Variants in EPHA6 observed in about 807,000 individuals in gnomAD.
The protein encoded by EPHA6 is EPH receptor A6, also known as ephrin type-A receptor 6.
Under a neutral mutation model 112.0 loss-of-function variants are expected in EPHA6, and 50 were observed. That is an observed-to-expected ratio of 0.45 (90% CI 0.36 to 0.56). The LOEUF (loss-of-function observed/expected upper bound fraction) is 0.56, where lower values mean the gene tolerates loss of function less well. Ranked by LOEUF, EPHA6 falls within the 20% of genes least tolerant of loss-of-function variation. The pLI is 0.00. For synonymous variants in EPHA6, 529 were observed against 490.7 expected (o/e 1.08, Z -1.03); for missense variants, 1,280 against 1,417.4 (o/e 0.90, Z 1.56).
At chr3:97,419,310 C>CAA (rs1204468806) in intron 6 of EPHA6, among the ~76,000 whole-genome samples, 2 of 140,916 alleles carry the variant, frequency 1.4e-5, no homozygotes, top group African/African-American at 5.8e-5. Flanking sequence ...TCACAAAAAA[C>CAA]AAACAAACAA....
chr3:97,710,684 C>T, intron 14 of EPHA6, among the ~76,000 whole-genome samples: 1 of 152,096 alleles, frequency 6.6e-6, no homozygotes, highest in Non-Finnish European at 1.5e-5. Flanking sequence ...TGTAACTTGC[C>T]TAAGATCACA....
At chr3:97,418,386 AAC>A (rs1326971678) in intron 6 of EPHA6, among the ~76,000 whole-genome samples, 1 of 152,074 alleles carries the variant, frequency 6.6e-6, no homozygotes, top group African/African-American at 2.4e-5. Context: ...TAGGAAAAAT[AAC>A]ACATATCTAG....
intron 3 of EPHA6, among the ~76,000 whole-genome samples, chr3:97,171,117 A>G (rs1003184879): frequency 1.3e-5 from 2 of 152,204 alleles, no homozygotes; most frequent in African/African-American, 4.8e-5. Flanking sequence ...CAATTAGAAC[A>G]AAGATGGTTA....
At position 97,141,239 on chromosome 3, in the gene EPHA6, T is replaced by A. The variant is rs148529167; in HGVS notation, c.1115-85025T>A. On this transcript the variant is annotated intron_variant, in intron 3 of 17. Transcript: ENST00000389672. ...TAGCCATACAATCATAGTGGGGGAT[T>A]TTAACACCCCACTGACAGCACTGGA... 1.4e-4 allele frequency among the ~76,000 whole-genome samples: 22 copies of A among 152,160 alleles called. No individual in the cohort carries two copies. The East Asian group carries it at 4.1e-3, about 28-fold the overall frequency.
intron 11 of EPHA6, among the ~76,000 whole-genome samples, chr3:97,561,541 A>C (rs982846995): frequency 6.6e-6 from 1 of 152,054 alleles, no homozygotes; most frequent in African/African-American, 2.4e-5. Context: ...AACTGCAGTC[A>C]AAAATTTTAA....
intron 10 of EPHA6, among the ~76,000 whole-genome samples, chr3:97,496,950 AT>A (rs2107541275): frequency 6.6e-6 from 1 of 152,196 alleles, no homozygotes; most frequent in Non-Finnish European, 1.5e-5. Context: ...TGGCATGTCA[AT>A]TTATCATCAT....
chr3:97,614,334 C>CTT (rs11288058), intron 13 of EPHA6, among the ~76,000 whole-genome samples: 5 of 124,732 alleles, frequency 4.0e-5, no homozygotes, highest in Admixed American at 8.3e-5. Flanking sequence ...GGTATACTTA[C>CTT]TTTTTTTTTT....
chr3:97,029,896 TG>T (rs1216339074), intron 3 of EPHA6, among the ~76,000 whole-genome samples: 1 of 152,122 alleles, frequency 6.6e-6, no homozygotes, highest in Non-Finnish European at 1.5e-5. Flanking sequence ...ATGAAGATGG[TG>T]GCAGTATCAG....
chr3:97,111,916 C>A (rs2047735647), intron 3 of EPHA6, among the ~76,000 whole-genome samples: 1 of 151,936 alleles, frequency 6.6e-6, no homozygotes, highest in Non-Finnish European at 1.5e-5. Flanking sequence ...TTTTAATGTG[C>A]AATATTTTTA....
intron 14 of EPHA6, among the ~76,000 whole-genome samples, chr3:97,650,151 T>C (rs545845746): frequency 6.6e-6 from 1 of 151,556 alleles, no homozygotes; most frequent in Non-Finnish European, 1.5e-5. Flanking sequence ...CGGGAGAGAA[T>C]ATGTGCTAAA....
chr3:96,936,394 A>T (rs1329811379), intron 2 of EPHA6, among the ~76,000 whole-genome samples: 1 of 151,052 alleles, frequency 6.6e-6, no homozygotes, highest in African/African-American at 2.4e-5. Flanking sequence ...ACATAAACCT[A>T]AAAAAAAATC....
chr3:97,342,807 G>A (rs1004214758), intron 5 of EPHA6, among the ~76,000 whole-genome samples: 8 of 152,208 alleles, frequency 5.3e-5, no homozygotes, highest in Non-Finnish European at 8.8e-5. Flanking sequence ...CCCAGTCTCC[G>A]TATCTATGAG....
At chr3:97,198,830 T>A (rs2108493461) in intron 3 of EPHA6, among the ~76,000 whole-genome samples, 1 of 152,244 alleles carries the variant, frequency 6.6e-6, no homozygotes, top group African/African-American at 2.4e-5. Context: ...TAAATAAAAA[T>A]TGAGAAAACA....
chr3:97,200,342 T>A (rs1281621161), intron 3 of EPHA6, among the ~76,000 whole-genome samples: 1 of 152,084 alleles, frequency 6.6e-6, no homozygotes, highest in Non-Finnish European at 1.5e-5. Flanking sequence ...GCAAAATCCA[T>A]GAGGTCCTTC....
intron 2 of EPHA6, among the ~76,000 whole-genome samples, chr3:96,872,065 C>T (rs1243349722): frequency 6.6e-6 from 1 of 152,104 alleles, no homozygotes; most frequent in Non-Finnish European, 1.5e-5. Flanking sequence ...TCTTACATTT[C>T]TTCATTTGGT....
chr3:97,552,059 T>C (rs1211318443), intron 11 of EPHA6, among the ~76,000 whole-genome samples: 1 of 152,184 alleles, frequency 6.6e-6, no homozygotes, highest in African/African-American at 2.4e-5. Flanking sequence ...TTTCCTCATG[T>C]TAACTGTAAT....
At chr3:97,329,992 G>A (rs1473256862) in intron 5 of EPHA6, among the ~76,000 whole-genome samples, 2 of 152,102 alleles carry the variant, frequency 1.3e-5, no homozygotes, top group Non-Finnish European at 2.9e-5. Context: ...ATTAATTTTT[G>A]TATAAGGCGT....
chr3:97,143,041 T>C (rs1020903635), intron 3 of EPHA6, among the ~76,000 whole-genome samples: 3 of 151,698 alleles, frequency 2.0e-5, no homozygotes, highest in African/African-American at 7.2e-5. Flanking sequence ...AAGTCCAACT[T>C]TCTATGCTCA....
chr3:97,349,855 G>A (rs72926345), intron 5 of EPHA6, among the ~76,000 whole-genome samples: 4,253 of 151,976 alleles, frequency 0.028, 205 homozygotes, highest in African/African-American at 0.091. Flanking sequence ...TGTTCCAGAC[G>A]TGATAAAAAT....
Sources: allele counts gnomAD v4.1 joint callset (sites outside exome capture counted in the v4.1 genomes callset), GRCh38; gene constraint gnomAD v4.1.1; transcripts MANE v1.5; gene names NCBI Gene and HGNC (gene_info 2026-07-23, HGNC 2026-07-21).